RGL1: variants seen among roughly 807,000 people sequenced by gnomAD.
RGL1 encodes the protein ral guanine nucleotide dissociation stimulator-like 1.
Under a neutral mutation model 95.2 loss-of-function variants are expected in RGL1, and 24 were observed. The observed-to-expected ratio is 0.25, with a 90% CI of 0.18 to 0.35. The LOEUF (loss-of-function observed/expected upper bound fraction) is 0.35, where lower values mean the gene tolerates loss of function less well. RGL1 is among the 10% of genes least tolerant of loss of function. RGL1 has a pLI of 1.00. For synonymous variants in RGL1, 329 were observed against 344.9 expected, an observed-to-expected ratio of 0.95 and a Z score of 0.51; for missense variants, 715 against 936.3, an observed-to-expected ratio of 0.76 and a Z score of 3.08.
intron 13 of RGL1, among the ~76,000 whole-genome samples, chr1:183,905,548 T>G (rs1668269717): frequency 6.6e-6 from 1 of 152,190 alleles, no homozygotes; most frequent in Admixed American, 6.5e-5. Context: ...GAAGAGAACA[T>G]TCCAGACCGA....
At chr1:183,917,022 T>C (rs1032997610) in intron 16 of RGL1, among the ~76,000 whole-genome samples, 1 of 152,216 alleles carries the variant, frequency 6.6e-6, no homozygotes, top group Non-Finnish European at 1.5e-5. Flanking sequence ...TGGGTGACAG[T>C]GTAAATGTGC....
intron 1 of RGL1, among the ~76,000 whole-genome samples, chr1:183,700,241 A>G (rs185978497): frequency 4.7e-4 from 71 of 152,314 alleles, no homozygotes; most frequent in African/African-American, 1.7e-3. Flanking sequence ...GAAGAAAGGA[A>G]TTGTAGGCTG....
intron 7 of RGL1, among the ~76,000 whole-genome samples, chr1:183,887,167 C>T (rs1160170715): frequency 6.8e-6 from 1 of 146,772 alleles, no homozygotes; most frequent in Admixed American, 6.8e-5. Flanking sequence ...CCCCTCCCTC[C>T]CTCCCTCTTT....
rs548748767 is a variant in RGL1 at position 183,805,202 on chromosome 1, G to C, written c.-96G>C. 4.5e-6 allele frequency: 7 copies of C among 1,539,368 alleles called. No homozygotes were observed. The highest frequency in any genetic ancestry group is 6.1e-6 in the Non-Finnish European group (7 of 1,139,806). On this transcript the variant is annotated 5_prime_UTR_variant, in exon 1 of 18. Coordinates refer to ENST00000360851, the MANE Select transcript of RGL1 (RefSeq NM_001297671.3). ...CTGCGGTCGCTCGGGACCGGGACCG[G>C]GGCGAGGCGCCGCGGGGCTGAGCCC...
chr1:183,925,558 AT>A (rs1160127828), intron 17 of RGL1, among the ~76,000 whole-genome samples: 2 of 152,238 alleles, frequency 1.3e-5, no homozygotes, highest in African/African-American at 4.8e-5. Context: ...TTTTAAAAAA[AT>A]ATACATACTT....
intron 4 of RGL1, among the ~76,000 whole-genome samples, chr1:183,866,476 T>C (rs888342982): frequency 2.0e-5 from 3 of 152,164 alleles, no homozygotes; most frequent in Non-Finnish European, 4.4e-5. Context: ...CTGTTGGCAT[T>C]GGAGCACGCC....
intron 1 of RGL1, among the ~76,000 whole-genome samples, chr1:183,691,058 TAAAA>T (rs926524519): frequency 1.3e-5 from 2 of 152,100 alleles, no homozygotes; most frequent in African/African-American, 4.8e-5. Context: ...AAAATAAAAA[TAAAA>T]AATAAAAATA....
upstream of RGL1, among the ~76,000 whole-genome samples, chr1:183,803,258 G>A (rs920430667): frequency 6.6e-6 from 1 of 152,200 alleles, no homozygotes; most frequent in African/African-American, 2.4e-5. Flanking sequence ...AATATGGTTT[G>A]GGAGGAAGTA....
At chr1:183,835,706 A>G (rs1052944289) in intron 2 of RGL1, among the ~76,000 whole-genome samples, 2 of 152,234 alleles carry the variant, frequency 1.3e-5, no homozygotes, top group Non-Finnish European at 2.9e-5. Context: ...AGATAATACC[A>G]GATGTAATCA....
Position 183,805,216 on chromosome 1 carries a change from G to A in RGL1, c.-82G>A. ...GACCGGGACCGGGGCGAGGCGCCGC[G>A]GGGCTGAGCCCAGCAGACATTGCGT... On this transcript the variant is annotated 5_prime_UTR_variant, in exon 1 of 18. Coordinates refer to ENST00000360851, the MANE Select transcript of RGL1 (RefSeq NM_001297671.3). 2 of 1,568,288 alleles carry A rather than the reference G, an allele frequency of 1.3e-6. No homozygotes were observed. The highest frequency in any genetic ancestry group is 1.7e-6 in the Non-Finnish European group (2 of 1,157,060).
chr1:183,919,358 A>G (rs914608770), intron 16 of RGL1, among the ~76,000 whole-genome samples: 12 of 152,224 alleles, frequency 7.9e-5, no homozygotes, highest in African/African-American at 2.7e-4. Flanking sequence ...ATTTGTAGTT[A>G]GAAACCACTG....
intron 7 of RGL1, among the ~76,000 whole-genome samples, chr1:183,886,400 AT>A (rs201530452): frequency 1.3e-3 from 188 of 147,016 alleles, no homozygotes; most frequent in Non-Finnish European, 1.1e-3. Context: ...ATAAGGAATT[AT>A]TTTTTTTTTT....
rs142856066 is a variant in RGL1, at chr1:183,888,485, C to T, written c.963C>T (p.Leu321=). 4.4e-6 allele frequency: 7 copies of T among 1,606,442 alleles called. No homozygotes were observed. The highest frequency in any genetic ancestry group is 4.0e-5 in the African/African-American group (3 of 74,698). The part of the protein sequence containing the change: ...KWINIAHECR[L]LKNFSSLRAI... ...CACTCCCCATGCAGGAATGTAGACT[C>T]CTGAAGAATTTTTCCTCCTTGAGGG... Residue 321 remains leucine, a synonymous_variant, in exon 8 of 18, where the codon CTC becomes CTT. Transcript: ENST00000360851.
chr1:183,825,346 G>C (rs578141655), intron 2 of RGL1, among the ~76,000 whole-genome samples: 1 of 152,268 alleles, frequency 6.6e-6, no homozygotes, highest in African/African-American at 2.4e-5. Context: ...GAGTATTGCA[G>C]GCCAAGTGTG....
chr1:183,713,833 A>C (rs1655454126), intron 1 of RGL1, among the ~76,000 whole-genome samples: 1 of 152,200 alleles, frequency 6.6e-6, no homozygotes, highest in Non-Finnish European at 1.5e-5. Context: ...ATGAATCTAG[A>C]GATATTTTGC....
At chr1:183,887,314 A>G (rs929731675) in intron 7 of RGL1, among the ~76,000 whole-genome samples, 2 of 151,304 alleles carry the variant, frequency 1.3e-5, no homozygotes, top group Non-Finnish European at 2.9e-5. Context: ...TCTAAAGAAA[A>G]TGTTTGAGGG....
intron 7 of RGL1, among the ~76,000 whole-genome samples, chr1:183,886,505 G>A (rs1667119052): frequency 6.6e-6 from 1 of 152,082 alleles, no homozygotes; most frequent in African/African-American, 2.4e-5. Flanking sequence ...ATCTGTGTAT[G>A]TGACATAGTG....
intron 2 of RGL1, among the ~76,000 whole-genome samples, chr1:183,795,899 TA>T (rs1660675018): frequency 6.6e-6 from 1 of 152,134 alleles, no homozygotes; most frequent in African/African-American, 2.4e-5. Flanking sequence ...GGCTTCAAGC[TA>T]AAAAATCTTG....
chr1:183,889,672 A>C (rs533042831), intron 8 of RGL1, among the ~76,000 whole-genome samples: 1 of 152,208 alleles, frequency 6.6e-6, no homozygotes, highest in East Asian at 1.9e-4. Flanking sequence ...TTCAGGGGAT[A>C]GTCTACTTGG....
Sources: gnomAD v4.1 joint callset for allele counts (sites outside exome capture counted in the v4.1 genomes callset) on GRCh38, gnomAD v4.1.1 for gene constraint, MANE v1.5 for transcripts, NCBI Gene and HGNC (gene_info 2026-07-23, HGNC 2026-07-21) for gene names.